Variants in DACH2 observed in about 807,000 individuals in gnomAD.
DACH2 encodes the protein dachshund homolog 2.
Under a neutral mutation model 35.8 loss-of-function variants are expected in DACH2, and 17 were observed. The observed-to-expected ratio is 0.48, with a 90% confidence interval of 0.33 to 0.71. The LOEUF (loss-of-function observed/expected upper bound fraction) is 0.71. Among genes scored for constraint, DACH2 ranks in the 30% least tolerant of loss-of-function variants. The probability of loss-of-function intolerance (pLI) is 0.02; values close to 1 mark genes in which losing one functional copy is unlikely to be tolerated. For synonymous variants in DACH2, 195 were observed against 177.3 expected, an observed-to-expected ratio of 1.10 and a Z score of -0.79; for missense variants, 469 against 472.7, an observed-to-expected ratio of 0.99 and a Z score of 0.07.
intron 1 of DACH2, among the ~76,000 whole-genome samples, chrX:86,198,265 G>A (rs1451426745): frequency 1.8e-5 from 2 of 112,106 alleles, no homozygotes; most frequent in African/African-American, 3.2e-5. Flanking sequence ...AGCTTAGGCA[G>A]TGTTAAGAAG....
At chrX:86,361,328 A>AT (rs1263960588) in intron 1 of DACH2, among the ~76,000 whole-genome samples, 1 of 111,436 alleles carries the variant, frequency 9.0e-6, no homozygotes, top group African/African-American at 3.2e-5. Context: ...ATAATGATAC[A>AT]TTTTTCAGTT....
intron 3 of DACH2, among the ~76,000 whole-genome samples, chrX:86,523,763 A>G (rs1276049954): frequency 9.0e-6 from 1 of 110,563 alleles, no homozygotes; most frequent in Non-Finnish European, 1.9e-5. Flanking sequence ...AGGCTGAAAA[A>G]AATCTCCAAA....
At chrX:86,165,346 G>A (rs2030908491) in intron 1 of DACH2, among the ~76,000 whole-genome samples, 1 of 111,426 alleles carries the variant, frequency 9.0e-6, no homozygotes, top group African/African-American at 3.3e-5. Flanking sequence ...TATATACTCT[G>A]CAGTGGTATT....
chrX:86,705,058 T>TAC (rs2041197797), intron 5 of DACH2, among the ~76,000 whole-genome samples: 1 of 107,435 alleles, frequency 9.3e-6, no homozygotes, highest in Admixed American at 1.0e-4. Flanking sequence ...CACATATATA[T>TAC]ATATATATCT....
chrX:86,323,614 C>A (rs1283158411), intron 1 of DACH2, among the ~76,000 whole-genome samples: 1 of 112,009 alleles, frequency 8.9e-6, no homozygotes, highest in Non-Finnish European at 1.9e-5. Flanking sequence ...CTATGTCTGA[C>A]AACCAGTCGG....
Position 86,683,901 on chromosome X carries a change from A to T in DACH2, c.773-11120A>T, listed in dbSNP as rs73508433. On this transcript the variant is annotated intron_variant, in intron 4 of 11. Coordinates refer to ENST00000373125, the MANE Select transcript of DACH2 (RefSeq NM_053281.3). ...CTAATGTCATTTCCAAAGCCCATAG[A>T]TATTAAATAGAGTGGCCAGAATTCA... 9.4e-3 allele frequency among the ~76,000 whole-genome samples: 1,042 copies of T among 111,393 alleles called. 12 individuals carry two copies. The highest frequency in any genetic ancestry group is 0.032 in the African/African-American group (997 of 30,707).
intron 3 of DACH2, among the ~76,000 whole-genome samples, chrX:86,546,204 TCAAAATTCCAC>T (rs1569435490): frequency 9.0e-6 from 1 of 111,582 alleles, no homozygotes; most frequent in Non-Finnish European, 1.9e-5. Context: ...TAAACTGTTT[TCAAAATTCCAC>T]CAAAATTCCA....
chrX:86,614,174 A>G (rs2039978730), intron 3 of DACH2, among the ~76,000 whole-genome samples: 1 of 111,760 alleles, frequency 8.9e-6, no homozygotes. Flanking sequence ...CAAAATGACT[A>G]TATTATCTAG....
At chrX:86,727,445 G>GT (rs766690554) in intron 6 of DACH2, among the ~76,000 whole-genome samples, 113 of 110,083 alleles carry the variant, frequency 1.0e-3, no homozygotes, top group African/African-American at 3.1e-3. Context: ...TTACTGTCAT[G>GT]TTTTTTTTTC....
intron 1 of DACH2, among the ~76,000 whole-genome samples, chrX:86,216,433 C>G (rs1355595438): frequency 9.4e-6 from 1 of 106,055 alleles, no homozygotes; most frequent in East Asian, 3.0e-4. Context: ...TTGTTCAGCT[C>G]CCACTTATGA....
intron 6 of DACH2, among the ~76,000 whole-genome samples, chrX:86,729,339 C>G (rs1602861958): frequency 8.9e-6 from 1 of 112,198 alleles, no homozygotes; most frequent in East Asian, 2.8e-4. Flanking sequence ...AATGCCTATA[C>G]CCCTGTTGTA....
At chrX:86,642,042 C>T (rs779642487) in intron 3 of DACH2, among the ~76,000 whole-genome samples, 1 of 111,705 alleles carries the variant, frequency 9.0e-6, no homozygotes, top group Non-Finnish European at 1.9e-5. Flanking sequence ...GTAAAGCAAT[C>T]ACACAAACAA....
chrX:86,199,352 G>A (rs926985509), intron 1 of DACH2, among the ~76,000 whole-genome samples: 3 of 111,195 alleles, frequency 2.7e-5, no homozygotes, highest in African/African-American at 9.8e-5. Context: ...TTGAAAAGTG[G>A]CACAAGACAA....
At chrX:86,592,927 C>A (rs1050155257) in intron 3 of DACH2, among the ~76,000 whole-genome samples, 1 of 111,846 alleles carries the variant, frequency 8.9e-6, no homozygotes, top group African/African-American at 3.2e-5. Context: ...TATTTGGGAT[C>A]AGCTGTATAC....
rs187738480 is a variant in DACH2, at chrX:86,425,648, T to G, written c.527+48786T>G. On this transcript the variant is annotated intron_variant, in intron 2 of 11. Transcript: ENST00000373125. ...CCAACTTTTTGTTTCATGGATTTTT[T>G]GTACTGTTTTCTTCATTTCAATTTC... Among the ~76,000 whole-genome samples, 29 of 111,397 alleles carry G rather than the reference T, an allele frequency of 2.6e-4. No homozygotes were observed. The East Asian group carries it at 3.1e-3, about 12-fold the overall frequency.
intron 3 of DACH2, among the ~76,000 whole-genome samples, chrX:86,621,187 G>T (rs1419553453): frequency 1.8e-5 from 2 of 111,384 alleles, no homozygotes; most frequent in Non-Finnish European, 3.8e-5. Context: ...ATATGAGAAG[G>T]TGTCTTCTAG....
chrX:86,335,753 C>T (rs755311998), intron 1 of DACH2, among the ~76,000 whole-genome samples: 1 of 111,555 alleles, frequency 9.0e-6, no homozygotes, highest in South Asian at 3.7e-4. Flanking sequence ...TTTCCTTTGC[C>T]TGATTGCCCT....
chrX:86,737,944 A>G (rs758904370), intron 6 of DACH2, among the ~76,000 whole-genome samples: 2 of 110,543 alleles, frequency 1.8e-5, no homozygotes, highest in Non-Finnish European at 3.8e-5. Flanking sequence ...CCCAATGTTT[A>G]TTGTTAAAGG....
chrX:86,702,110 T>C (rs968737459), intron 5 of DACH2, among the ~76,000 whole-genome samples: 1 of 111,597 alleles, frequency 9.0e-6, no homozygotes, highest in Non-Finnish European at 1.9e-5. Flanking sequence ...AGAAATCAAC[T>C]GCCAAAGGAA....
Sources: gnomAD v4.1 joint callset for allele counts (sites outside exome capture counted in the v4.1 genomes callset) on GRCh38, gnomAD v4.1.1 for gene constraint, MANE v1.5 for transcripts, NCBI Gene and HGNC (gene_info 2026-07-23, HGNC 2026-07-21) for gene names.